BNC2: variants seen among roughly 807,000 people sequenced by gnomAD.
The protein encoded by BNC2 is basonuclin zinc finger protein 2.
Under a neutral mutation model 76.3 loss-of-function variants are expected in BNC2, and 20 were observed. The ratio of observed to expected loss-of-function variants is 0.26; its 90% CI spans 0.18 to 0.38. The LOEUF (loss-of-function observed/expected upper bound fraction) is 0.38. Ranked by LOEUF, BNC2 falls within the 10% of genes least tolerant of loss-of-function variation. The probability of loss-of-function intolerance (pLI) is 1.00; values close to 1 mark genes in which losing one functional copy is unlikely to be tolerated. For missense variants in BNC2, 1,382 were observed against 1,399.8 expected, an observed-to-expected ratio of 0.99 and a Z score of 0.20; for synonymous variants, 582 against 514.8, an observed-to-expected ratio of 1.13 and a Z score of -1.77.
intron 3 of BNC2, among the ~76,000 whole-genome samples, chr9:16,629,041 T>C (rs1008367404): frequency 8.5e-5 from 13 of 152,230 alleles, no homozygotes; most frequent in African/African-American, 3.1e-4. Context: ...CATTCTTGAC[T>C]TTTCCAAAGT....
intron 5 of BNC2, among the ~76,000 whole-genome samples, chr9:16,487,457 T>A (rs1822189918): frequency 6.6e-6 from 1 of 152,222 alleles, no homozygotes; most frequent in African/African-American, 2.4e-5. Flanking sequence ...AGCTGCCTCA[T>A]TTGTTTCTCT....
chr9:16,595,828 T>C lies in BNC2; in HGVS notation c.331-12743A>G, dbSNP rs995554422. Among the ~76,000 whole-genome samples the C allele has an allele frequency of 2.0e-5, 3 of 152,036 alleles. No individual in the cohort carries two copies. In the East Asian group the frequency reaches 5.8e-4, roughly 29 times the overall value. The stretch of plus-strand genomic sequence containing the variant: ...ATCACTGAGCAAAGCAAGAGACCTA[T>C]GTAATGGTTGTCAGGAACTTTGAGC... On this transcript the variant is annotated intron_variant, in intron 3 of 6. Transcript: ENST00000380672.
intron 3 of BNC2, among the ~76,000 whole-genome samples, chr9:16,642,773 T>G (rs1821524544): frequency 6.6e-6 from 1 of 152,188 alleles, no homozygotes; most frequent in Non-Finnish European, 1.5e-5. Context: ...TTAAATAGTC[T>G]ACACAAAACT....
At chr9:16,617,374 C>G (rs571416614) in intron 3 of BNC2, among the ~76,000 whole-genome samples, 2 of 152,138 alleles carry the variant, frequency 1.3e-5, no homozygotes, top group African/African-American at 4.8e-5. Context: ...AAGAATGTAT[C>G]ACCCAAAGAA....
rs57737264 is a variant in BNC2, at chr9:16,684,901, CAA to C, written c.330+42894_330+42895del. Among the ~76,000 whole-genome samples the C allele has an allele frequency of 5.5e-3, 811 of 147,144 alleles. 2 individuals are homozygous for C. The highest frequency in any genetic ancestry group is 0.01 in the South Asian group (48 of 4,678). Reference sequence around the variant, plus strand: ...CTGAATTTCAATCCAACAGTTTCACCAAAAAAAAAAAAAATGTACTTTGCTAA... The same window carrying C: ...CTGAATTTCAATCCAACAGTTTCACCAAAAAAAAAAAATGTACTTTGCTAA... On this transcript the variant is annotated intron_variant, in intron 3 of 6. Transcript: ENST00000380672.
intron 1 of BNC2, among the ~76,000 whole-genome samples, chr9:16,770,053 G>T (rs543994248): frequency 6.6e-6 from 1 of 152,180 alleles, no homozygotes; most frequent in Non-Finnish European, 1.5e-5. Flanking sequence ...CAAAATGAAT[G>T]TAAGGCCCAG....
At chr9:16,561,979 T>G (rs982263045) in intron 4 of BNC2, among the ~76,000 whole-genome samples, 1 of 152,118 alleles carries the variant, frequency 6.6e-6, no homozygotes, top group African/African-American at 2.4e-5. Context: ...CACTCCAGCC[T>G]GAGCAACAGA....
At chr9:16,624,741 T>TA (rs1043473646) in intron 3 of BNC2, among the ~76,000 whole-genome samples, 14 of 152,132 alleles carry the variant, frequency 9.2e-5, no homozygotes, top group Admixed American at 5.2e-4. Flanking sequence ...GTCATGTTTT[T>TA]AAAAAAAATC....
At chr9:16,617,186 C>T (rs1468553460) in intron 3 of BNC2, among the ~76,000 whole-genome samples, 1 of 151,846 alleles carries the variant, frequency 6.6e-6, no homozygotes, top group Non-Finnish European at 1.5e-5. Flanking sequence ...TAACCGTGGC[C>T]CTGCAATCAA....
At chr9:16,816,193 C>G (rs188582128) in intron 1 of BNC2, among the ~76,000 whole-genome samples, 1 of 152,182 alleles carries the variant, frequency 6.6e-6, no homozygotes, top group Non-Finnish European at 1.5e-5. Context: ...AGACATTGTT[C>G]TGGCCAAGTA....
chr9:16,725,217 TCACACA>T lies in BNC2; in HGVS notation c.330+2574_330+2579del, dbSNP rs4007689. On this transcript the variant is annotated intron_variant, in intron 3 of 6. Coordinates refer to ENST00000380672, the MANE Select transcript of BNC2 (RefSeq NM_017637.6). ...TATAATTTCAATAAGTCTCTCTCTC[TCACACA>T]CACACACACACACACACACACACAC... 4.3e-3 allele frequency among the ~76,000 whole-genome samples: 634 copies of T among 148,252 alleles called. 1 individual carries two copies. Among genetic ancestry groups the T allele is most frequent in the Non-Finnish European group, 6.8e-3 (458 of 67,396 alleles).
intron 5 of BNC2, among the ~76,000 whole-genome samples, chr9:16,498,841 C>A (rs562035446): frequency 6.6e-6 from 1 of 152,188 alleles, no homozygotes; most frequent in South Asian, 2.1e-4. Flanking sequence ...ATCCTATTGT[C>A]CAATTCTCAG....
intron 3 of BNC2, among the ~76,000 whole-genome samples, chr9:16,670,155 G>C (rs1464793676): frequency 2.0e-5 from 3 of 152,012 alleles, no homozygotes; most frequent in Admixed American, 6.6e-5. Context: ...CATATGTCAT[G>C]GTTTAATAGA....
intron 5 of BNC2, among the ~76,000 whole-genome samples, chr9:16,484,555 G>A (rs1237929046): frequency 6.6e-6 from 1 of 152,038 alleles, no homozygotes; most frequent in Non-Finnish European, 1.5e-5. Context: ...TCTTATTTCG[G>A]GATTAATTAA....
chr9:16,468,085 G>A (rs1023741188), intron 5 of BNC2, among the ~76,000 whole-genome samples: 2 of 142,564 alleles, frequency 1.4e-5, no homozygotes, highest in Non-Finnish European at 3.0e-5. Flanking sequence ...CTGTCACCCA[G>A]GCTGGAGTGC....
intron 1 of BNC2, among the ~76,000 whole-genome samples, chr9:16,870,255 G>A (rs1819646353): frequency 6.6e-6 from 1 of 152,094 alleles, no homozygotes; most frequent in African/African-American, 2.4e-5. Context: ...CCGAGCTCCT[G>A]CCAGCGCTCC....
At chr9:16,573,934 T>G (rs893455752) in intron 4 of BNC2, among the ~76,000 whole-genome samples, 3 of 152,110 alleles carry the variant, frequency 2.0e-5, no homozygotes, top group African/African-American at 7.2e-5. Context: ...CAATTCAGAG[T>G]TATCTTTGAA....
chr9:16,776,377 C>T (rs1437473686), intron 1 of BNC2, among the ~76,000 whole-genome samples: 1 of 152,088 alleles, frequency 6.6e-6, no homozygotes, highest in Non-Finnish European at 1.5e-5. Flanking sequence ...TGAGCTCAGG[C>T]AAGCTGCCCA....
At chr9:16,632,746 G>A (rs188446530) in intron 3 of BNC2, among the ~76,000 whole-genome samples, 212 of 152,162 alleles carry the variant, frequency 1.4e-3, no homozygotes, top group African/African-American at 4.8e-3. Context: ...CTAATTTAAC[G>A]CCATCTGGTA....
Sources: gnomAD v4.1 joint callset for allele counts (sites outside exome capture counted in the v4.1 genomes callset) on GRCh38, gnomAD v4.1.1 for gene constraint, MANE v1.5 for transcripts, NCBI Gene and HGNC (gene_info 2026-07-23, HGNC 2026-07-21) for gene names.